DZIP3: variants seen among roughly 807,000 people sequenced by gnomAD.
DZIP3 encodes DAZ interacting zinc finger protein 3, also known as E3 ubiquitin-protein ligase DZIP3.
A neutral mutation model predicts 162.0 loss-of-function variants in DZIP3; 118 were observed. That is an observed-to-expected ratio of 0.73 (90% CI 0.63 to 0.85). The LOEUF is 0.85. Ranked by LOEUF, DZIP3 falls within the 40% of genes least tolerant of loss-of-function variation. The pLI, the probability that DZIP3 is intolerant of heterozygous loss-of-function variation, is 0.00. For synonymous variants in DZIP3, 438 were observed against 458.6 expected (o/e 0.96, Z 0.57); for missense variants, 1,331 against 1,407.0 (o/e 0.95, Z 0.86).
rs1317662308 is a variant in DZIP3, at chr3:108,672,635, T to A, written c.2568T>A (p.Thr856=). The change falls in exon 23 of 33, where the codon ACT becomes ACA. Residue 856 remains threonine, a synonymous_variant. Transcript: ENST00000361582. ...KTYVSKLNAE[T]SRALTAEVYF... Reference sequence around the variant, plus strand: ...ACGTAAGCAAACTGAACGCAGAAACTAGCAGAGCTTTAACAGCCGAGGTAA... The same window carrying A: ...ACGTAAGCAAACTGAACGCAGAAACAAGCAGAGCTTTAACAGCCGAGGTAA... 1.2e-6 allele frequency: 2 copies of A among 1,611,682 alleles called. No individual in the cohort carries two copies. Among genetic ancestry groups the A allele is most frequent in the African/African-American group, 2.7e-5 (2 of 74,732 alleles).
At chr3:108,600,403 G>A (rs1420218616) in intron 1 of DZIP3, among the ~76,000 whole-genome samples, 1 of 151,884 alleles carries the variant, frequency 6.6e-6, no homozygotes, top group African/African-American at 2.4e-5. Context: ...CAAAGGTCTG[G>A]TAAAATGATA....
intron 21 of DZIP3, among the ~76,000 whole-genome samples, chr3:108,666,056 AAAT>A (rs1222168109): frequency 2.6e-5 from 4 of 152,180 alleles, no homozygotes; most frequent in Non-Finnish European, 5.9e-5. Context: ...AGAGTAAGAT[AAAT>A]AATAAGAAGT....
intron 26 of DZIP3, among the ~76,000 whole-genome samples, chr3:108,681,992 G>T (rs1423529573): frequency 6.6e-6 from 1 of 150,386 alleles, no homozygotes; most frequent in African/African-American, 2.5e-5. Context: ...ACGGGTTGAT[G>T]GGTGCAGCAA....
At chr3:108,688,460 G>A (rs1944573129) in intron 29 of DZIP3, 133 bp from the exon 30 acceptor site, 4 of 1,025,342 alleles carry the variant, frequency 3.9e-6, no homozygotes, top group South Asian at 3.6e-5. Flanking sequence ...CCACCATTTT[G>A]TTCAAGATTT....
At chr3:108,651,372 G>C (rs1024356526) in intron 18 of DZIP3, among the ~76,000 whole-genome samples, 2 of 151,486 alleles carry the variant, frequency 1.3e-5, no homozygotes, top group Admixed American at 6.6e-5. Flanking sequence ...CATTTGCTTT[G>C]GAAGAATAGA....
intron 5 of DZIP3, among the ~76,000 whole-genome samples, chr3:108,622,794 A>G (rs1559734431): frequency 6.6e-6 from 1 of 150,468 alleles, no homozygotes; most frequent in Non-Finnish European, 1.5e-5. Flanking sequence ...ATTACCAGGC[A>G]GAGACTCTTG....
At chr3:108,589,678 C>G, upstream of DZIP3, 1 of 260,982 alleles carries the variant, frequency 3.8e-6, no homozygotes, top group South Asian at 6.5e-5. Context: ...AGAAATCTCG[C>G]GATTTCTCGG....
intron 23 of DZIP3, among the ~76,000 whole-genome samples, chr3:108,673,766 A>G (rs1426688405): frequency 6.6e-6 from 1 of 151,970 alleles, no homozygotes; most frequent in Non-Finnish European, 1.5e-5. Flanking sequence ...ACTCAGTATC[A>G]ATCAAATTAG....
At chr3:108,631,581 C>A (rs1475180545) in intron 8 of DZIP3, among the ~76,000 whole-genome samples, 2 of 122,532 alleles carry the variant, frequency 1.6e-5, no homozygotes, top group Non-Finnish European at 3.3e-5. Flanking sequence ...TATTATTATT[C>A]CCTTTTTTTT....
In DZIP3 at chr3:108,589,834, G is replaced by C. The variant is rs1232342828; in HGVS notation, c.-78G>C. 1 of 154,918 alleles carries C rather than the reference G, an allele frequency of 6.5e-6. No homozygotes were observed. Among genetic ancestry groups the C allele is most frequent in the Admixed American group, 6.5e-5 (1 of 15,340 alleles). 9.6% of individuals were successfully genotyped at this position (154,918 alleles called of 1,614,324 possible). ...GAAATGGTCGCTTGCCCCTAGTCTA[G>C]ACACGGTGAGGAGCTCTGAGGAGAA... On this transcript the variant is annotated 5_prime_UTR_variant, in exon 1 of 33. Transcript: ENST00000361582.
chr3:108,596,655 G>A (rs1056458245), intron 1 of DZIP3, among the ~76,000 whole-genome samples: 7 of 152,144 alleles, frequency 4.6e-5, no homozygotes, highest in African/African-American at 2.4e-5. Flanking sequence ...ATCTACACAC[G>A]GGCTCCCTCT....
chr3:108,625,711 T>C (rs1385529178), intron 6 of DZIP3, 134 bp from the exon 7 acceptor site: 1 of 816,970 alleles, frequency 1.2e-6, no homozygotes, highest in Non-Finnish European at 1.8e-6. Flanking sequence ...GGATTCAGAA[T>C]GTGAATAAAT....
chr3:108,615,331 A>G (rs1385561207), intron 4 of DZIP3, among the ~76,000 whole-genome samples: 1 of 152,196 alleles, frequency 6.6e-6, no homozygotes, highest in Non-Finnish European at 1.5e-5. Context: ...GAACTTCAGT[A>G]TTATGTTTTG....
intron 22 of DZIP3, 116 bp downstream of exon 22, chr3:108,669,865 G>A: frequency 1.3e-6 from 1 of 789,764 alleles, no homozygotes. Context: ...TTTTGAGGCT[G>A]ATATTGAACA....
chr3:108,628,831 G>T (rs1443994343), intron 7 of DZIP3, among the ~76,000 whole-genome samples: 2 of 151,986 alleles, frequency 1.3e-5, no homozygotes, highest in Non-Finnish European at 2.9e-5. Context: ...AATTACCATG[G>T]CCCCCATACT....
intron 8 of DZIP3, among the ~76,000 whole-genome samples, chr3:108,631,051 A>T (rs62266426): frequency 0.2 from 7,975 of 39,418 alleles, 442 homozygotes; most frequent in Non-Finnish European, 0.24. Context: ...ACACACACAC[A>T]CACACTCTCT....
intron 19 of DZIP3, among the ~76,000 whole-genome samples, chr3:108,656,542 G>T (rs1358229285): frequency 6.8e-6 from 1 of 146,460 alleles, no homozygotes; most frequent in African/African-American, 2.8e-5. Context: ...CAAAGATGGG[G>T]AAAAAACAGA....
intron 19 of DZIP3, among the ~76,000 whole-genome samples, chr3:108,658,685 A>C (rs1943264830): frequency 6.6e-6 from 1 of 152,194 alleles, no homozygotes; most frequent in Non-Finnish European, 1.5e-5. Context: ...CCCTTCAAAA[A>C]ATCAATGAAT....
At chr3:108,615,221 C>A (rs1218472316) in intron 4 of DZIP3, among the ~76,000 whole-genome samples, 1 of 152,200 alleles carries the variant, frequency 6.6e-6, no homozygotes, top group Non-Finnish European at 1.5e-5. Flanking sequence ...AGTAGTTTTC[C>A]ATTGCTTTCA....
Sources: allele counts gnomAD v4.1 joint callset (sites outside exome capture counted in the v4.1 genomes callset), GRCh38; gene constraint gnomAD v4.1.1; transcripts MANE v1.5; gene names NCBI Gene and HGNC (gene_info 2026-07-23, HGNC 2026-07-21).